MAGI2: variants seen among roughly 807,000 people sequenced by gnomAD.
MAGI2 encodes the protein membrane associated guanylate kinase, WW and PDZ domain containing 2.
A neutral mutation model predicts 133.3 loss-of-function variants in MAGI2; 35 were observed. The observed-to-expected ratio is 0.26, with a 90% CI of 0.20 to 0.35. The LOEUF is 0.35. Ranked by LOEUF, MAGI2 falls within the 10% of genes least tolerant of loss-of-function variation. The pLI, the probability that MAGI2 is intolerant of heterozygous loss-of-function variation, is 1.00. For missense variants in MAGI2, 1,636 were observed against 1,863.4 expected (o/e 0.88, Z 2.25); for synonymous variants, 729 against 710.6 (o/e 1.03, Z -0.41).
chr7:78,969,768 T>A (rs1402406722), intron 2 of MAGI2, among the ~76,000 whole-genome samples: 1 of 152,070 alleles, frequency 6.6e-6, no homozygotes, highest in Non-Finnish European at 1.5e-5. Context: ...CTACTTTTTC[T>A]AAAATAATAG....
chr7:78,352,805 T>C (rs981316021), intron 7 of MAGI2: 1 of 152,326 alleles, frequency 6.6e-6, no homozygotes, highest in Non-Finnish European at 1.5e-5. Flanking sequence ...GTCGTAATGC[T>C]AGTTATTTAG....
At chr7:78,352,715 G>A (rs1791646622) in intron 7 of MAGI2, 1 of 152,150 alleles carries the variant, frequency 6.6e-6, no homozygotes, top group Non-Finnish European at 1.5e-5. Flanking sequence ...TCTTACAGCT[G>A]AGTCTGTCCT....
At chr7:79,232,238 A>G (rs1216186697) in intron 1 of MAGI2, among the ~76,000 whole-genome samples, 2 of 151,666 alleles carry the variant, frequency 1.3e-5, no homozygotes, top group Non-Finnish European at 2.9e-5. Context: ...CATCAAGGAT[A>G]TTGGTCTAAA....
chr7:78,664,313 C>T (rs530730148), intron 2 of MAGI2, among the ~76,000 whole-genome samples: 1 of 152,176 alleles, frequency 6.6e-6, no homozygotes, highest in East Asian at 1.9e-4. Context: ...TTTTATGAAA[C>T]CTTAATTTTT....
intron 6 of MAGI2, among the ~76,000 whole-genome samples, chr7:78,479,081 CT>C (rs1296568487): frequency 6.6e-6 from 1 of 151,934 alleles, no homozygotes; most frequent in Non-Finnish European, 1.5e-5. Context: ...CAGTGAACCC[CT>C]GACATCAATC....
chr7:78,526,240 C>T (rs891662951), intron 3 of MAGI2, among the ~76,000 whole-genome samples: 1 of 152,188 alleles, frequency 6.6e-6, no homozygotes, highest in African/African-American at 2.4e-5. Context: ...TTCAAAGCCA[C>T]AGTCAATGAA....
chr7:79,058,753 C>T (rs768553377), intron 1 of MAGI2, among the ~76,000 whole-genome samples: 10 of 152,074 alleles, frequency 6.6e-5, no homozygotes, highest in East Asian at 3.9e-4. Flanking sequence ...GAAAAATGAA[C>T]GCAAAACACT....
At chr7:78,036,083 A>G (rs974202299) in intron 21 of MAGI2, among the ~76,000 whole-genome samples, 6 of 146,302 alleles carry the variant, frequency 4.1e-5, no homozygotes, top group African/African-American at 1.5e-4. Context: ...TTTAAGGCAT[A>G]TTATCCAAAT....
chr7:78,981,533 AATTT>A (rs1562747431), intron 2 of MAGI2, among the ~76,000 whole-genome samples: 5 of 151,306 alleles, frequency 3.3e-5, no homozygotes, highest in Admixed American at 2.0e-4. Context: ...TTCCTTAATT[AATTT>A]AAGCATAATC....
chr7:79,303,127 T>G (rs1837511504), intron 1 of MAGI2, among the ~76,000 whole-genome samples: 1 of 152,164 alleles, frequency 6.6e-6, no homozygotes, highest in Non-Finnish European at 1.5e-5. Flanking sequence ...ACAATTTCCT[T>G]TAAATACCTT....
At chr7:78,059,415 C>T (rs564657394) in intron 21 of MAGI2, among the ~76,000 whole-genome samples, 1 of 152,330 alleles carries the variant, frequency 6.6e-6, no homozygotes, top group Admixed American at 6.5e-5. Context: ...TTCTAGATAT[C>T]TGCTTCTTCC....
chr7:78,403,137 C>G (rs559855611), intron 6 of MAGI2, among the ~76,000 whole-genome samples: 3 of 152,248 alleles, frequency 2.0e-5, no homozygotes, highest in African/African-American at 7.2e-5. Context: ...TCTCCTAATG[C>G]TGTCCCTCCT....
At chr7:78,549,409 A>G (rs1356992034) in intron 3 of MAGI2, among the ~76,000 whole-genome samples, 2 of 151,812 alleles carry the variant, frequency 1.3e-5, no homozygotes, top group African/African-American at 2.4e-5. Flanking sequence ...CATTCTAGAT[A>G]AGAATTATAA....
rs776408241 is a variant in MAGI2 at position 78,178,034 on chromosome 7, C to G, written c.2380G>C (p.Gly794Arg). 6 of 1,612,982 alleles carry G rather than the reference C, an allele frequency of 3.7e-6. No individual in the cohort carries two copies. The highest frequency in any genetic ancestry group is 5.1e-6 in the Non-Finnish European group (6 of 1,179,096). The change falls in exon 14 of 22, where the codon GGG (glycine) becomes CGG (arginine). Residue 794 changes from glycine (G) to arginine (R), a missense_variant. Around this residue, in one of 5 missense-constraint regions of MAGI2, gnomAD observed 920 missense variants for 1,093.5 expected, o/e 0.84. Transcript: ENST00000354212. ...MESGFGFRIL[G>R]GDEPGQPILI... ...ACAGGCTGTCCAGGCTCATCTCCCC[C>G]GAGGATTCTGAAGCCAAATCCAGAC... is the stretch of plus-strand genomic sequence containing the variant.
chr7:78,115,313 G>A (rs1416254115), intron 20 of MAGI2, among the ~76,000 whole-genome samples: 1 of 151,966 alleles, frequency 6.6e-6, no homozygotes, highest in Non-Finnish European at 1.5e-5. Flanking sequence ...AATAAAAAGG[G>A]TAAGATAGAA....
At chr7:78,543,635 G>T (rs1027427624) in intron 3 of MAGI2, among the ~76,000 whole-genome samples, 14 of 152,156 alleles carry the variant, frequency 9.2e-5, no homozygotes, top group Admixed American at 2.0e-4. Context: ...AATACCATAA[G>T]GTCTGGCCTG....
intron 11 of MAGI2, 51 bp from the exon 12 acceptor site, chr7:78,195,114 A>G: frequency 6.8e-7 from 1 of 1,474,792 alleles, no homozygotes; most frequent in Non-Finnish European, 9.2e-7. Context: ...CTTCCTGGCT[A>G]TTTCTCTTGT....
At chr7:78,402,653 T>C (rs1447034070) in intron 6 of MAGI2, among the ~76,000 whole-genome samples, 2 of 152,220 alleles carry the variant, frequency 1.3e-5, no homozygotes, top group Non-Finnish European at 2.9e-5. Flanking sequence ...GTGAAGCTGA[T>C]GCCAGATAAA....
chr7:79,318,166 C>T (rs1358334672), intron 1 of MAGI2, among the ~76,000 whole-genome samples: 4 of 152,130 alleles, frequency 2.6e-5, no homozygotes, highest in African/African-American at 9.7e-5. Flanking sequence ...ATCAAATGCC[C>T]TCCAGACCTT....
Sources: allele counts gnomAD v4.1 joint callset (sites outside exome capture counted in the v4.1 genomes callset), GRCh38; gene constraint gnomAD v4.1.1; regional missense constraint gnomAD v4.1.1; transcripts MANE v1.5; gene names NCBI Gene and HGNC (gene_info 2026-07-23, HGNC 2026-07-21).